Variants in UNC5D observed in about 807,000 individuals in gnomAD.
UNC5D encodes netrin receptor UNC5D.
A neutral mutation model predicts 105.4 loss-of-function variants in UNC5D; 39 were observed. The ratio of observed to expected loss-of-function variants is 0.37; its 90% confidence interval spans 0.29 to 0.48. The LOEUF (loss-of-function observed/expected upper bound fraction) is 0.48. Ranked by LOEUF, UNC5D falls within the 20% of genes least tolerant of loss-of-function variation. The probability of loss-of-function intolerance (pLI) is 0.98; values close to 1 mark genes in which losing one functional copy is unlikely to be tolerated. For synonymous variants in UNC5D, 452 were observed against 450.4 expected (o/e 1.00, Z -0.04); for missense variants, 991 against 1,202.4 (o/e 0.82, Z 2.60).
At chr8:35,454,286 A>C (rs934633822) in intron 1 of UNC5D, among the ~76,000 whole-genome samples, 1 of 152,198 alleles carries the variant, frequency 6.6e-6, no homozygotes, top group Non-Finnish European at 1.5e-5. Context: ...AGAACCATCC[A>C]GTAGAGGTAT....
intron 7 of UNC5D, among the ~76,000 whole-genome samples, chr8:35,694,836 C>T (rs1331266916): frequency 2.6e-5 from 4 of 152,054 alleles, no homozygotes; most frequent in Non-Finnish European, 5.9e-5. Flanking sequence ...CCACCTCAGG[C>T]TCCCAAAGTG....
chr8:35,525,788 T>A (rs1813831689), intron 1 of UNC5D: 1 of 1,488,306 alleles, frequency 6.7e-7, no homozygotes, highest in Non-Finnish European at 8.9e-7. Flanking sequence ...AATGTGCTCT[T>A]TTAACTAACT....
intron 1 of UNC5D, among the ~76,000 whole-genome samples, chr8:35,480,605 G>A (rs953691883): frequency 5.3e-5 from 8 of 152,102 alleles, no homozygotes; most frequent in African/African-American, 1.2e-4. Context: ...TGCTATATGT[G>A]AGAGTCTGTT....
Position 35,643,271 on chromosome 8 carries a change from A to T in UNC5D, c.571-40276A>T, listed in dbSNP as rs370309984. Among the ~76,000 whole-genome samples the T allele has an allele frequency of 5.3e-5, 8 of 152,244 alleles. 1 individual carries two copies. The highest frequency in any genetic ancestry group is 1.7e-4 in the African/African-American group (7 of 41,542). ...TTGCCAGATGTTCCCTGGAGGAAAA[A>T]GTCGCCCTTGGTTGAGAACCACCAC... On this transcript the variant is annotated intron_variant, in intron 4 of 16. Coordinates refer to ENST00000404895, the MANE Select transcript of UNC5D (RefSeq NM_080872.4).
At chr8:35,439,153 A>G (rs1807231315) in intron 1 of UNC5D, among the ~76,000 whole-genome samples, 1 of 152,008 alleles carries the variant, frequency 6.6e-6, no homozygotes, top group Non-Finnish European at 1.5e-5. Flanking sequence ...ACAGACTGAA[A>G]AGTACTTAAA....
At chr8:35,506,283 A>G (rs906298858) in intron 1 of UNC5D, among the ~76,000 whole-genome samples, 1 of 152,238 alleles carries the variant, frequency 6.6e-6, no homozygotes, top group African/African-American at 2.4e-5. Flanking sequence ...GAAGAGAAAA[A>G]TAAACACTTT....
At chr8:35,501,790 G>A (rs1319076075) in intron 1 of UNC5D, among the ~76,000 whole-genome samples, 2 of 152,168 alleles carry the variant, frequency 1.3e-5, no homozygotes, top group African/African-American at 4.8e-5. Flanking sequence ...TGCTCTGGTA[G>A]TTTACCTCTG....
rs186899397 is a variant in UNC5D, at chr8:35,452,379, C to T, written c.104-96913C>T. 2.0e-4 allele frequency among the ~76,000 whole-genome samples: 31 copies of T among 152,266 alleles called. No individual in the cohort carries two copies. The East Asian group carries it at 5.6e-3, about 28-fold the overall frequency. On this transcript the variant is annotated intron_variant, in intron 1 of 16. Transcript: ENST00000404895. Reference sequence around the variant, plus strand: ...TCCCAGGTTCAAGCCATTCTCCTGCCTCAGCCTCCTGAGTGGCTGGAACTA... The same window carrying T: ...TCCCAGGTTCAAGCCATTCTCCTGCTTCAGCCTCCTGAGTGGCTGGAACTA...
intron 10 of UNC5D, 95 bp from the exon 11 acceptor site, chr8:35,730,917 A>G: frequency 9.6e-7 from 1 of 1,041,726 alleles, no homozygotes; most frequent in African/African-American, 1.6e-5. Context: ...ATGAGAAAGT[A>G]GCTTGTTTTC....
intron 9 of UNC5D, among the ~76,000 whole-genome samples, chr8:35,723,528 T>C (rs1294591473): frequency 2.0e-5 from 3 of 152,138 alleles, no homozygotes; most frequent in Admixed American, 1.3e-4. Context: ...CCTCAGCAGC[T>C]GGGACTACAG....
intron 1 of UNC5D, among the ~76,000 whole-genome samples, chr8:35,425,150 C>T (rs1017074437): frequency 2.0e-5 from 3 of 151,900 alleles, no homozygotes; most frequent in African/African-American, 4.8e-5. Flanking sequence ...CAAACCTGCA[C>T]GTTGTGCACA....
At chr8:35,766,473 T>C (rs1436522687) in intron 14 of UNC5D, among the ~76,000 whole-genome samples, 1 of 152,166 alleles carries the variant, frequency 6.6e-6, no homozygotes, top group African/African-American at 2.4e-5. Context: ...GGCCAATCAG[T>C]TCCTTAGCAT....
chr8:35,489,865 G>A (rs747916065), intron 1 of UNC5D, among the ~76,000 whole-genome samples: 4 of 152,132 alleles, frequency 2.6e-5, no homozygotes, highest in Non-Finnish European at 5.9e-5. Context: ...CATGATCTGA[G>A]ACAAGCCCAT....
At chr8:35,590,887 C>A (rs1347928256) in intron 3 of UNC5D, among the ~76,000 whole-genome samples, 2 of 152,190 alleles carry the variant, frequency 1.3e-5, no homozygotes, top group East Asian at 3.9e-4. Flanking sequence ...GATCTATGAT[C>A]CAGCAATTTT....
intron 1 of UNC5D, among the ~76,000 whole-genome samples, chr8:35,257,489 GC>G (rs781186273): frequency 2.0e-5 from 3 of 152,170 alleles, no homozygotes; most frequent in Non-Finnish European, 4.4e-5. Flanking sequence ...AGGGCCTGAT[GC>G]TTTCTGTACA....
chr8:35,534,303 C>A (rs1213260669), intron 1 of UNC5D, among the ~76,000 whole-genome samples: 2 of 152,048 alleles, frequency 1.3e-5, no homozygotes, highest in African/African-American at 2.4e-5. Context: ...ATCCTACTGT[C>A]AACTTTAAAC....
chr8:35,459,996 G>A (rs1808777864), intron 1 of UNC5D, among the ~76,000 whole-genome samples: 1 of 152,144 alleles, frequency 6.6e-6, no homozygotes, highest in African/African-American at 2.4e-5. Context: ...CATCATCACT[G>A]AAAGTGACTA....
intron 1 of UNC5D, among the ~76,000 whole-genome samples, chr8:35,505,521 G>T (rs1812253884): frequency 6.6e-6 from 1 of 152,170 alleles, no homozygotes; most frequent in South Asian, 2.1e-4. Flanking sequence ...TGTGGTAAGG[G>T]TGTAGATGAT....
intron 1 of UNC5D, among the ~76,000 whole-genome samples, chr8:35,320,189 AG>A (rs567210729): frequency 5.7e-4 from 87 of 152,102 alleles, no homozygotes; most frequent in African/African-American, 1.9e-3. Flanking sequence ...TGGTCCTGAA[AG>A]GCAGGACAAT....
Sources: allele counts gnomAD v4.1 joint callset (sites outside exome capture counted in the v4.1 genomes callset), GRCh38; gene constraint gnomAD v4.1.1; transcripts MANE v1.5; gene names NCBI Gene and HGNC (gene_info 2026-07-23, HGNC 2026-07-21).